GALNT9: variants seen among roughly 807,000 people sequenced by gnomAD.
GALNT9 encodes the protein polypeptide N-acetylgalactosaminyltransferase 9, also known as GalNAc transferase 9.
Under a neutral mutation model 63.1 loss-of-function variants are expected in GALNT9, and 47 were observed. The ratio of observed to expected loss-of-function variants is 0.75; its 90% CI spans 0.59 to 0.95. The LOEUF (loss-of-function observed/expected upper bound fraction) is 0.95. Among genes scored for constraint, GALNT9 ranks in the 40% least tolerant of loss-of-function variants. The pLI is 0.00. For missense variants in GALNT9, 829 were observed against 874.8 expected (o/e 0.95, Z 0.66); for synonymous variants, 396 against 365.7 (o/e 1.08, Z -0.94).
In GALNT9 at chr12:132,201,716, G is replaced by A. The variant is rs118114967; in HGVS notation, c.1264-455C>T. On this transcript the variant is annotated intron_variant, in intron 7 of 10. Coordinates refer to ENST00000328957, the MANE Select transcript of GALNT9 (RefSeq NM_001122636.2). ...TGGCTGGCCCCGCCTGGCACGTGTT[G>A]TCACGCATGGGTGCCGGAGAATCAA... is the stretch of plus-strand genomic sequence containing the variant. 4.5e-3 allele frequency among the ~76,000 whole-genome samples: 680 copies of A among 152,336 alleles called. 15 individuals are homozygous for A. In the East Asian group the frequency reaches 0.065, roughly 14 times the overall value.
rs1196366380 is a variant in GALNT9, at chr12:132,279,646, C to G, written c.419+6604G>C. ...TTTCTTCTCTCCAGAGTTACTGTCCCTACCCCCTGTCCTCTCTCTGCAGCT... is the reference window on the plus strand; with the variant it reads ...TTTCTTCTCTCCAGAGTTACTGTCCGTACCCCCTGTCCTCTCTCTGCAGCT... On this transcript the variant is annotated intron_variant, in intron 2 of 10. Transcript: ENST00000328957. The surrounding 1 kb of genome is among the most constrained non-coding windows in gnomAD (Gnocchi z 4.1). 1 of 152,494 alleles carries G rather than the reference C, an allele frequency of 6.6e-6. No individual in the cohort carries two copies. The highest frequency in any genetic ancestry group is 2.4e-5 in the African/African-American group (1 of 41,456). The allele number at this position is 152,494 out of a possible 1,614,324, so 9.4% of individuals were successfully genotyped here. A position where few individuals can be genotyped will look rare whatever the true frequency, so the allele number is the denominator to read the frequency against.
Position 132,262,323 on chromosome 12 carries a change from A to G in GALNT9, c.586+136T>C, listed in dbSNP as rs1167019480. 3.3e-6 allele frequency: 4 copies of G among 1,202,440 alleles called. No homozygotes were observed. In the Admixed American group the frequency reaches 1.2e-4, roughly 35 times the overall value. The allele number at this position is 1,202,440 out of a possible 1,614,324, so 74.5% of individuals were successfully genotyped here. ...AGGCTGGAAGGCAGGAGGGACCCCC[A>G]TAGGTTTAGAGCCCCTGCGGACAGA... On this transcript the variant is annotated intron_variant, in intron 3 of 10. Coordinates refer to ENST00000328957, the MANE Select transcript of GALNT9 (RefSeq NM_001122636.2).
intron 1 of GALNT9, among the ~76,000 whole-genome samples, chr12:132,318,028 C>T (rs1174072036): frequency 6.6e-6 from 1 of 152,118 alleles, no homozygotes; most frequent in Non-Finnish European, 1.5e-5. Context: ...ATCACTTGAG[C>T]TCAGGAGTTC....
At chr12:132,292,947 G>C (rs1555242910) in intron 1 of GALNT9, among the ~76,000 whole-genome samples, 3 of 152,240 alleles carry the variant, frequency 2.0e-5, no homozygotes. Context: ...GAGAGTCTGA[G>C]ATGGCACAGG....
At chr12:132,202,618 G>A (rs114966664) in intron 7 of GALNT9, among the ~76,000 whole-genome samples, 6,260 of 152,284 alleles carry the variant, frequency 0.041, 420 homozygotes, top group African/African-American at 0.14. Flanking sequence ...GTAAATGTAT[G>A]CGTGTGTGCG....
rs907965443 is a variant in GALNT9, at chr12:132,293,540, G to A, written c.239-7110C>T. 3.3e-5 allele frequency among the ~76,000 whole-genome samples: 5 copies of A among 152,204 alleles called. No individual in the cohort carries two copies. The South Asian group carries it at 6.2e-4, about 19-fold the overall frequency. On this transcript the variant is annotated intron_variant, in intron 1 of 10. Coordinates refer to ENST00000328957, the MANE Select transcript of GALNT9 (RefSeq NM_001122636.2). ...CTCAGACACTTGTGCCCTGGGTACC[G>A]ACAGCACCTCAGCCTGTGGTTGGTG...
chr12:132,219,773 C>G (rs1326171850), intron 6 of GALNT9, among the ~76,000 whole-genome samples: 1 of 119,712 alleles, frequency 8.4e-6, no homozygotes, highest in South Asian at 3.1e-4. Flanking sequence ...CAGGGTGACA[C>G]CCGCCCGGGT....
At chr12:132,322,538 G>A (rs782181983) in intron 1 of GALNT9, among the ~76,000 whole-genome samples, 24 of 152,210 alleles carry the variant, frequency 1.6e-4, no homozygotes, top group Admixed American at 1.3e-3. Flanking sequence ...AGAAGGCTCC[G>A]GGAGGGGTGA....
chr12:132,225,218 A>G (rs1284044090), intron 6 of GALNT9, among the ~76,000 whole-genome samples: 3 of 141,002 alleles, frequency 2.1e-5, no homozygotes, highest in Non-Finnish European at 4.6e-5. Context: ...TACACTGCAT[A>G]TACTCCATAT....
intron 6 of GALNT9, among the ~76,000 whole-genome samples, chr12:132,221,740 C>CA (rs1489310946): frequency 6.7e-6 from 1 of 149,630 alleles, no homozygotes; most frequent in Non-Finnish European, 1.5e-5. Flanking sequence ...AAGGAATCCG[C>CA]AAACGTCAGG....
At chr12:132,309,765 G>A (rs572654149) in intron 1 of GALNT9, among the ~76,000 whole-genome samples, 4 of 152,332 alleles carry the variant, frequency 2.6e-5, no homozygotes, top group Non-Finnish European at 5.9e-5. Context: ...ACAGCCACCC[G>A]GTCTGTGGTC....
chr12:132,250,002 GC>G (rs1296956034), intron 5 of GALNT9, among the ~76,000 whole-genome samples: 1 of 152,194 alleles, frequency 6.6e-6, no homozygotes, highest in Non-Finnish European at 1.5e-5. Context: ...CCTTAGTCCA[GC>G]CGGACGCCTC....
At chr12:132,205,805 GT>G (rs1565985805) in intron 6 of GALNT9, 2 of 152,164 alleles carry the variant, frequency 1.3e-5, no homozygotes, top group Non-Finnish European at 2.9e-5. Context: ...CGGGATTTCT[GT>G]TCGCAGCGGG....
Position 132,196,509 on chromosome 12 carries a change from G to C in GALNT9, c.*598C>G, listed in dbSNP as rs528665884. ...CTCCCAGGAAGACACACACAGTGCT[G>C]CTGCCTAATCCTCTCTTTATTTGGT... On this transcript the variant is annotated 3_prime_UTR_variant, in exon 11 of 11. Coordinates refer to ENST00000328957, the MANE Select transcript of GALNT9 (RefSeq NM_001122636.2). 8.1e-6 allele frequency: 8 copies of C among 985,524 alleles called. No individual in the cohort carries two copies. The East Asian group carries it at 5.7e-4, about 70-fold the overall frequency. The allele number at this position is 985,524 out of a possible 1,614,324, so 61.0% of individuals were successfully genotyped here.
chr12:132,239,537 G>C (rs1402164668), intron 6 of GALNT9, among the ~76,000 whole-genome samples: 1 of 150,316 alleles, frequency 6.7e-6, no homozygotes, highest in Non-Finnish European at 1.5e-5. Flanking sequence ...GATACAGAGA[G>C]ACAGAGTCAG....
rs1308736969 is a variant in GALNT9, at chr12:132,240,824, G to A, written c.1077+7086C>T. 17 of 389,624 alleles carry A rather than the reference G, an allele frequency of 4.4e-5. 2 individuals carry two copies. The highest frequency in any genetic ancestry group is 1.7e-4 in the African/African-American group (7 of 40,176). The allele number at this position is 389,624 out of a possible 1,614,324, so 24.1% of individuals were successfully genotyped here. On this transcript the variant is annotated intron_variant, in intron 6 of 10. Coordinates refer to ENST00000328957, the MANE Select transcript of GALNT9 (RefSeq NM_001122636.2). ...CATGCCACACACCCTTCCCAAGGCCGTCCCTATACCCATTACACACACACC... is the reference window on the plus strand; with the variant it reads ...CATGCCACACACCCTTCCCAAGGCCATCCCTATACCCATTACACACACACC...
chr12:132,293,985 C>T lies in GALNT9; in HGVS notation c.239-7555G>A, dbSNP rs556450211. Among the ~76,000 whole-genome samples, 8 of 152,362 alleles carry T rather than the reference C, an allele frequency of 5.3e-5. No homozygotes were observed. In the East Asian group the frequency reaches 7.7e-4, roughly 15 times the overall value. On this transcript the variant is annotated intron_variant, in intron 1 of 10. Coordinates refer to ENST00000328957, the MANE Select transcript of GALNT9 (RefSeq NM_001122636.2). Reference sequence around the variant, plus strand: ...TGTTTGACCAAAGATCTTGCCCCTCCGAGCCTATCTGTGAATGGCCGTGGA... The same window carrying T: ...TGTTTGACCAAAGATCTTGCCCCTCTGAGCCTATCTGTGAATGGCCGTGGA...
chr12:132,220,755 G>A (rs1877412777), intron 6 of GALNT9, among the ~76,000 whole-genome samples: 1 of 152,158 alleles, frequency 6.6e-6, no homozygotes, highest in South Asian at 2.1e-4. Flanking sequence ...AGAAACTAAG[G>A]ACTGTCCAGA....
chr12:132,235,331 G>A (rs1391308985), intron 6 of GALNT9, among the ~76,000 whole-genome samples: 5 of 151,856 alleles, frequency 3.3e-5, no homozygotes, highest in Admixed American at 6.6e-5. Context: ...GCTGGGACCC[G>A]GAGACTGGGA....
Sources: allele counts gnomAD v4.1 joint callset (sites outside exome capture counted in the v4.1 genomes callset), GRCh38; gene constraint gnomAD v4.1.1; non-coding constraint Gnocchi (gnomAD v3.1); transcripts MANE v1.5; gene names NCBI Gene and HGNC (gene_info 2026-07-23, HGNC 2026-07-21).